ADAMTS17: variants seen among roughly 807,000 people sequenced by gnomAD.
ADAMTS17 encodes the protein ADAM metallopeptidase with thrombospondin type 1 motif 17.
Under a neutral mutation model 141.5 loss-of-function variants are expected in ADAMTS17, and 113 were observed. The ratio of observed to expected loss-of-function variants is 0.80; its 90% CI spans 0.69 to 0.93. ADAMTS17 has a LOEUF of 0.93. Ranked by LOEUF, ADAMTS17 falls within the 40% of genes least tolerant of loss-of-function variation. ADAMTS17 has a pLI of 0.00. For synonymous variants in ADAMTS17, 768 were observed against 630.6 expected (o/e 1.22, Z -3.27); for missense variants, 1,659 against 1,517.9 (o/e 1.09, Z -1.54).
chr15:100,326,045 C>T (rs544142200), intron 3 of ADAMTS17, among the ~76,000 whole-genome samples: 114 of 152,268 alleles, frequency 7.5e-4, no homozygotes, highest in Non-Finnish European at 1.2e-3. Context: ...GCAGCCTCTT[C>T]GCTCCACACA....
At position 100,109,070 on chromosome 15, in the gene ADAMTS17, T is replaced by C. The variant is rs769921429; in HGVS notation, c.1935A>G (p.Pro645=). The C allele has an allele frequency of 1.9e-6, 3 of 1,613,834 alleles. No individual in the cohort carries two copies. The highest frequency in any genetic ancestry group is 1.7e-6 in the Non-Finnish European group (2 of 1,179,944). The change falls in exon 14 of 22, where the codon CCA becomes CCG. Residue 645 remains proline, a synonymous_variant. Transcript: ENST00000268070. ...CCAGGACCCTGTCGGCCACCAGCAG[T>C]GGGGACTCCTTCCCGAGGGGCGAGC... ...LYCSPLGKES[P]LLVADRVLDG... is the part of the protein sequence containing the mutation.
chr15:100,219,609 C>T (rs1004513308), intron 7 of ADAMTS17, among the ~76,000 whole-genome samples: 18 of 152,146 alleles, frequency 1.2e-4, no homozygotes, highest in African/African-American at 3.4e-4. Context: ...TGCCTCCTAA[C>T]GCATCCAGAG....
In ADAMTS17 at chr15:99,973,803, C is replaced by T. The variant is rs974470263; in HGVS notation, c.*599G>A. 1.6e-5 allele frequency: 3 copies of T among 183,652 alleles called. No homozygotes were observed. The highest frequency in any genetic ancestry group is 3.4e-5 in the Non-Finnish European group (3 of 86,964). The allele number at this position is 183,652 out of a possible 1,614,324, so 11.4% of individuals were successfully genotyped here. The stretch of plus-strand genomic sequence containing the variant: ...ATTTACACTCCACGCACGAGACTTC[C>T]AAGGCAACACCTAGGATTTAGAGAC... On this transcript the variant is annotated 3_prime_UTR_variant, in exon 22 of 22. Transcript: ENST00000268070.
intron 15 of ADAMTS17, among the ~76,000 whole-genome samples, chr15:100,068,474 C>A (rs1357918051): frequency 1.3e-5 from 2 of 152,222 alleles, no homozygotes; most frequent in Non-Finnish European, 2.9e-5. Context: ...TCCCTGACCC[C>A]TGAGTAGCCT....
In ADAMTS17 at chr15:99,972,177, G is replaced by C. The variant is rs1052331759; in HGVS notation, c.*2225C>G. ...GAGGCAGAAGAATGGCCTGAACCCGGGAGGCGGAGCTTTCAATGAGCTGAG... is the reference window on the plus strand; with the variant it reads ...GAGGCAGAAGAATGGCCTGAACCCGCGAGGCGGAGCTTTCAATGAGCTGAG... On this transcript the variant is annotated 3_prime_UTR_variant, in exon 22 of 22. Transcript: ENST00000268070. 2 of 152,216 alleles carry C rather than the reference G, an allele frequency of 1.3e-5. No individual in the cohort carries two copies. The highest frequency in any genetic ancestry group is 6.5e-5 in the Admixed American group (1 of 15,288). The allele number at this position is 152,216 out of a possible 1,614,324, so 9.4% of individuals were successfully genotyped here. A position where few individuals can be genotyped will look rare whatever the true frequency, so the allele number is the denominator to read the frequency against.
chr15:100,125,475 A>G (rs752605933), intron 12 of ADAMTS17, among the ~76,000 whole-genome samples: 4 of 152,094 alleles, frequency 2.6e-5, no homozygotes, highest in African/African-American at 4.8e-5. Flanking sequence ...TTTCTGGTGC[A>G]TGTGGGCGGC....
In ADAMTS17 at chr15:100,102,502, G is replaced by A. The variant is rs557147359; in HGVS notation, c.2017-6026C>T. ...TGAAGGGGATCTACATTTGAGGGCCGACCGAAGGGGATCTACATTTGAGGG... is the reference window on the plus strand; with the variant it reads ...TGAAGGGGATCTACATTTGAGGGCCAACCGAAGGGGATCTACATTTGAGGG... On this transcript the variant is annotated intron_variant, in intron 14 of 21. Coordinates refer to ENST00000268070, the MANE Select transcript of ADAMTS17 (RefSeq NM_139057.4). Among the ~76,000 whole-genome samples, 119 of 116,480 alleles carry A rather than the reference G, an allele frequency of 1.0e-3. 1 individual carries two copies. The highest frequency in any genetic ancestry group is 1.8e-3 in the Non-Finnish European group (101 of 56,208). 76.4% of individuals were successfully genotyped at this position (116,480 alleles called of 152,430 possible).
Position 100,054,022 on chromosome 15 carries a change from T to C in ADAMTS17, c.2170A>G (p.Ser724Gly). 1 of 1,614,138 alleles carries C rather than the reference T, an allele frequency of 6.2e-7. No individual in the cohort carries two copies. Among genetic ancestry groups the C allele is most frequent in the South Asian group, 1.1e-5 (1 of 91,082 alleles). ...LKDSGKGSIN[S>G]DWKIELPGEF... ...CCGGGGAGCTCTATCTTCCAGTCAC[T>C]GTTGATGGACCCCTTACCCGAGTCT... The change falls in exon 16 of 22, where the codon AGT becomes GGT. Residue 724 changes from serine (S) to glycine (G), a missense_variant. By Grantham distance (56) the Ser-to-Gly change is moderately conservative. Transcript: ENST00000268070.
rs772748740 is a variant in ADAMTS17 at position 100,155,352 on chromosome 15, T to A, written c.1182-32A>T. 3.7e-6 allele frequency: 6 copies of A among 1,604,438 alleles called. No individual in the cohort carries two copies. The Admixed American group carries it at 1.0e-4, about 28-fold the overall frequency. On this transcript the variant is annotated intron_variant, in intron 8 of 21. Transcript: ENST00000268070. The stretch of plus-strand genomic sequence containing the variant: ...AAGAAGGAGGAGAGAGGGATGCTTA[T>A]GCTACAAGCTTCTCATTTCCAGTTC...
chr15:100,262,343 G>C lies in ADAMTS17; in HGVS notation c.873+9C>G. 2 of 1,613,110 alleles carry C rather than the reference G, an allele frequency of 1.2e-6. No homozygotes were observed. The highest frequency in any genetic ancestry group is 1.7e-6 in the Non-Finnish European group (2 of 1,179,370). ...TCTGCTTGCTTGAAAGGTGCCTGTG[G>C]GGACTTACGGGACGTTGTCGTAGCA... On this transcript the variant is annotated intron_variant, in intron 5 of 21. Transcript: ENST00000268070.
At chr15:100,222,543 C>A (rs796208103) in intron 7 of ADAMTS17, among the ~76,000 whole-genome samples, 9 of 152,330 alleles carry the variant, frequency 5.9e-5, no homozygotes, top group Admixed American at 2.0e-4. Context: ...CTCCGTGTCC[C>A]CCCTGAACCA....
chr15:100,118,760 G>T (rs1249522103), intron 12 of ADAMTS17, among the ~76,000 whole-genome samples: 1 of 152,212 alleles, frequency 6.6e-6, no homozygotes, highest in Admixed American at 6.5e-5. Flanking sequence ...ACATGGATCA[G>T]TAGGAGAAAC....
At chr15:100,009,028 C>T (rs754213029) in intron 18 of ADAMTS17, among the ~76,000 whole-genome samples, 1 of 152,134 alleles carries the variant, frequency 6.6e-6, no homozygotes, top group Non-Finnish European at 1.5e-5. Context: ...TCTGTAGAGA[C>T]AAGGTCTCAC....
chr15:100,052,732 C>T (rs1001280944), intron 16 of ADAMTS17, among the ~76,000 whole-genome samples: 3 of 152,198 alleles, frequency 2.0e-5, no homozygotes, highest in African/African-American at 2.4e-5. Context: ...AATCTTATCC[C>T]AGATAAATGA....
At chr15:100,148,105 G>A (rs113448624) in intron 10 of ADAMTS17, among the ~76,000 whole-genome samples, 2 of 152,216 alleles carry the variant, frequency 1.3e-5, no homozygotes, top group African/African-American at 4.8e-5. Context: ...GGGCCACCCA[G>A]ATAACCCAAG....
rs916039486 is a variant in ADAMTS17 at position 100,224,798 on chromosome 15, G to A, written c.1076-25375C>T. Among the ~76,000 whole-genome samples, 12 of 152,226 alleles carry A rather than the reference G, an allele frequency of 7.9e-5. No homozygotes were observed. The East Asian group carries it at 1.7e-3, about 22-fold the overall frequency. On this transcript the variant is annotated intron_variant, in intron 7 of 21. Coordinates refer to ENST00000268070, the MANE Select transcript of ADAMTS17 (RefSeq NM_139057.4). ...CCCTCCACTTCCAGAGAGAGCCTCC[G>A]GGGCCAACCCCAAGGCTCTCAACAG...
intron 2 of ADAMTS17, among the ~76,000 whole-genome samples, chr15:100,339,607 ACATTCCCCGCCCCAG>A (rs1246249561): frequency 9.5e-6 from 1 of 104,978 alleles, no homozygotes. Flanking sequence ...CCCCAGGTCC[ACATTCCCCGCCCCAG>A]GTCCACATTC....
At chr15:100,267,856 C>T (rs536143094) in intron 4 of ADAMTS17, among the ~76,000 whole-genome samples, 1 of 152,326 alleles carries the variant, frequency 6.6e-6, no homozygotes, top group South Asian at 2.1e-4. Flanking sequence ...TCACCTTAAG[C>T]ATTTATCCTT....
chr15:99,975,583 C>G (rs1057394062), intron 21 of ADAMTS17, among the ~76,000 whole-genome samples: 1 of 152,108 alleles, frequency 6.6e-6, no homozygotes, highest in South Asian at 2.1e-4. Flanking sequence ...GGCCAGGTTC[C>G]GAGCACCCAG....
Sources: gnomAD v4.1 joint callset for allele counts (sites outside exome capture counted in the v4.1 genomes callset) on GRCh38, gnomAD v4.1.1 for gene constraint, MANE v1.5 for transcripts, NCBI Gene and HGNC (gene_info 2026-07-23, HGNC 2026-07-21) for gene names.